CCDC93: variants seen among roughly 807,000 people sequenced by gnomAD.
CCDC93 encodes CCC complex scaffolding subunit CCDC93.
A neutral mutation model predicts 108.2 loss-of-function variants in CCDC93; 61 were observed. The observed-to-expected ratio is 0.56, with a 90% CI of 0.46 to 0.70. The LOEUF (loss-of-function observed/expected upper bound fraction) is 0.70. CCDC93 is among the 30% of genes least tolerant of loss of function. CCDC93 has a pLI of 0.00. For missense variants in CCDC93, 685 were observed against 764.2 expected (o/e 0.90, Z 1.22); for synonymous variants, 276 against 260.4 (o/e 1.06, Z -0.58).
At chr2:117,959,122 T>A (rs1469148411) in intron 11 of CCDC93, among the ~76,000 whole-genome samples, 1 of 151,968 alleles carries the variant, frequency 6.6e-6, no homozygotes, top group Non-Finnish European at 1.5e-5. Context: ...GTGAGAGAGA[T>A]CTCTGAACAA....
Position 118,014,040 on chromosome 2 carries a change from G to T in CCDC93, c.-45C>A, listed in dbSNP as rs374522839. The T allele has an allele frequency of 1.9e-6, 3 of 1,579,212 alleles. No individual in the cohort carries two copies. The highest frequency in any genetic ancestry group is 2.6e-6 in the Non-Finnish European group (3 of 1,163,650). ...AAGGCGAGAGCGAAGCCCGCCAAGC[G>T]TCCGGAGGAAGCTGTCCCTGCCGCG... On this transcript the variant is annotated 5_prime_UTR_variant, in exon 1 of 24. Coordinates refer to ENST00000376300, the MANE Select transcript of CCDC93 (RefSeq NM_019044.5).
chr2:117,936,947 G>GA (rs1054677007), intron 20 of CCDC93: 3 of 564,362 alleles, frequency 5.3e-6, no homozygotes, highest in Non-Finnish European at 9.6e-6. Flanking sequence ...TCTTCTCACA[G>GA]AAAATTCCCT....
intron 1 of CCDC93, among the ~76,000 whole-genome samples, chr2:118,011,800 CA>C (rs1282833951): frequency 3.9e-5 from 6 of 152,158 alleles, no homozygotes. Flanking sequence ...TTTACTTTTG[CA>C]ATATAACTTG....
intron 11 of CCDC93, among the ~76,000 whole-genome samples, chr2:117,962,362 G>C (rs1679424235): frequency 6.6e-6 from 1 of 152,164 alleles, no homozygotes; most frequent in Non-Finnish European, 1.5e-5. Context: ...AGGACAAGTA[G>C]GCTGGGCGCA....
chr2:117,970,693 G>C (rs1679731985), intron 11 of CCDC93, among the ~76,000 whole-genome samples: 1 of 152,140 alleles, frequency 6.6e-6, no homozygotes, highest in African/African-American at 2.4e-5. Flanking sequence ...GAACTTATTA[G>C]TTACATGGTA....
chr2:117,977,742 A>G (rs551701134), intron 8 of CCDC93, among the ~76,000 whole-genome samples: 1 of 152,278 alleles, frequency 6.6e-6, no homozygotes, highest in East Asian at 1.9e-4. Flanking sequence ...CTAGACCCCA[A>G]GTGACTGACC....
At chr2:118,011,899 G>A (rs1301225089) in intron 1 of CCDC93, among the ~76,000 whole-genome samples, 1 of 152,204 alleles carries the variant, frequency 6.6e-6, no homozygotes, top group Admixed American at 6.5e-5. Context: ...ATGGAAAAGG[G>A]CCACTGTCTG....
intron 1 of CCDC93, among the ~76,000 whole-genome samples, chr2:118,009,229 G>A (rs1676960217): frequency 6.6e-6 from 1 of 151,932 alleles, no homozygotes; most frequent in South Asian, 2.1e-4. Flanking sequence ...AACTTAGCCA[G>A]GTTTGGTGGC....
intron 1 of CCDC93, among the ~76,000 whole-genome samples, chr2:118,013,314 C>A (rs1317306709): frequency 2.0e-5 from 3 of 152,248 alleles, no homozygotes; most frequent in African/African-American, 7.2e-5. Context: ...CCGGGTCCCC[C>A]GCCACACAGC....
chr2:117,966,615 A>T (rs1679586187), intron 11 of CCDC93, among the ~76,000 whole-genome samples: 1 of 152,236 alleles, frequency 6.6e-6, no homozygotes, highest in South Asian at 2.1e-4. Flanking sequence ...AAAAATCATC[A>T]TGATAGATGG....
In CCDC93 at chr2:118,009,699, T is replaced by C. The variant is rs564071837; in HGVS notation, c.43-1041A>G. 1.1e-4 allele frequency among the ~76,000 whole-genome samples: 16 copies of C among 152,124 alleles called. 1 individual carries two copies. Among genetic ancestry groups the C allele is most frequent in the African/African-American group, 3.6e-4 (15 of 41,534 alleles). On this transcript the variant is annotated intron_variant, in intron 1 of 23. Coordinates refer to ENST00000376300, the MANE Select transcript of CCDC93 (RefSeq NM_019044.5). ...AAAAACAAACAAACAAAAAAAGTTA[T>C]ACTCATCCAGAAGTTACTGACAACA... is the stretch of plus-strand genomic sequence containing the variant.
chr2:117,938,120 T>G (rs906164605), intron 20 of CCDC93, among the ~76,000 whole-genome samples: 1 of 152,236 alleles, frequency 6.6e-6, no homozygotes, highest in African/African-American at 2.4e-5. Flanking sequence ...ATCCACCATG[T>G]GTAAGGAACT....
intron 3 of CCDC93, among the ~76,000 whole-genome samples, chr2:118,003,659 G>T (rs906683894): frequency 1.3e-5 from 2 of 152,046 alleles, no homozygotes; most frequent in Non-Finnish European, 2.9e-5. Flanking sequence ...GCATTTCCTG[G>T]CCACTCTTCG....
intron 20 of CCDC93, among the ~76,000 whole-genome samples, chr2:117,937,632 C>T (rs1678565198): frequency 6.6e-6 from 1 of 152,196 alleles, no homozygotes; most frequent in Non-Finnish European, 1.5e-5. Flanking sequence ...CAACTTTAAA[C>T]ACTGCTGATG....
At chr2:117,946,718 G>T in intron 16 of CCDC93, 93 bp downstream of exon 16, 1 of 828,440 alleles carries the variant, frequency 1.2e-6, no homozygotes. Flanking sequence ...TACAGGATAA[G>T]TTAGCAACAG....
intron 6 of CCDC93, among the ~76,000 whole-genome samples, chr2:117,989,490 A>C (rs1680414329): frequency 6.6e-6 from 1 of 152,194 alleles, no homozygotes; most frequent in Non-Finnish European, 1.5e-5. Context: ...GTTCTTCTTG[A>C]TCAGTCCTCA....
intron 6 of CCDC93, among the ~76,000 whole-genome samples, chr2:117,992,596 T>C (rs1680508895): frequency 6.6e-6 from 1 of 152,086 alleles, no homozygotes; most frequent in South Asian, 2.1e-4. Context: ...CACCATTTTA[T>C]CTAGAGGCTC....
At chr2:117,982,253 T>C (rs996896497) in intron 7 of CCDC93, among the ~76,000 whole-genome samples, 3 of 152,212 alleles carry the variant, frequency 2.0e-5, no homozygotes, top group East Asian at 3.9e-4. Flanking sequence ...AAGTCAAATA[T>C]ATGGCACATA....
intron 17 of CCDC93, among the ~76,000 whole-genome samples, chr2:117,944,389 ATCATTAGTT>A: frequency 1.3e-5 from 2 of 151,870 alleles, no homozygotes; most frequent in East Asian, 3.9e-4. Context: ...GTAGAGACAA[ATCATTAGTT>A]AAAGAATGTG....
Sources: allele counts gnomAD v4.1 joint callset (sites outside exome capture counted in the v4.1 genomes callset), GRCh38; gene constraint gnomAD v4.1.1; transcripts MANE v1.5; gene names NCBI Gene and HGNC (gene_info 2026-07-23, HGNC 2026-07-21).